The following LOXL2 variants were observed in gnomAD, a reference collection of about 807,000 sequenced individuals.
The protein encoded by LOXL2 is lysyl oxidase homolog 2.
In LOXL2, 70 loss-of-function variants were observed where a neutral mutation model predicts 93.0. The observed-to-expected ratio is 0.75, with a 90% CI of 0.62 to 0.92. LOXL2 has a LOEUF of 0.92. Among genes scored for constraint, LOXL2 ranks in the 40% least tolerant of loss-of-function variants. LOXL2 has a pLI of 0.00. For missense variants in LOXL2, 973 were observed against 1,054.9 expected, an observed-to-expected ratio of 0.92 and a Z score of 1.08; for synonymous variants, 438 against 413.2, an observed-to-expected ratio of 1.06 and a Z score of -0.73.
At chr8:23,303,513 G>C in intron 10 of LOXL2, 116 bp from the exon 11 acceptor site, 3 of 662,106 alleles carry the variant, frequency 4.5e-6, no homozygotes, top group Non-Finnish European at 8.2e-6. Flanking sequence ...AGAGGGGGCC[G>C]GGTGGGGAGA....
chr8:23,321,956 C>T (rs1051289850), intron 7 of LOXL2, 174 bp downstream of exon 7: 6 of 686,566 alleles, frequency 8.7e-6, no homozygotes, highest in Non-Finnish European at 1.5e-5. Flanking sequence ...TGCTGCCGGG[C>T]CAGGGCCAGG....
intron 1 of LOXL2, among the ~76,000 whole-genome samples, chr8:23,400,420 C>A (rs934762752): frequency 1.3e-5 from 2 of 152,102 alleles, no homozygotes; most frequent in African/African-American, 2.4e-5. Flanking sequence ...AGATTTACTT[C>A]TCAGGGGAAA....
chr8:23,396,411 C>A (rs1261761170), intron 1 of LOXL2, among the ~76,000 whole-genome samples: 1 of 152,040 alleles, frequency 6.6e-6, no homozygotes, highest in Non-Finnish European at 1.5e-5. Flanking sequence ...ATGAGGAGGG[C>A]AGGCAGGATA....
intron 3 of LOXL2, among the ~76,000 whole-genome samples, chr8:23,343,382 T>A (rs922104300): frequency 6.6e-6 from 1 of 152,078 alleles, no homozygotes; most frequent in African/African-American, 2.4e-5. Context: ...TGACTCCAGT[T>A]CCCTCCCTAG....
intron 3 of LOXL2, among the ~76,000 whole-genome samples, chr8:23,342,900 A>C (rs1803907362): frequency 6.6e-6 from 1 of 152,082 alleles, no homozygotes; most frequent in African/African-American, 2.4e-5. Context: ...AGAGGTGTAC[A>C]TCACCACGCC....
intron 7 of LOXL2, chr8:23,321,885 G>T (rs910965249): frequency 2.0e-6 from 1 of 501,396 alleles, no homozygotes. Context: ...ACTCACCTCA[G>T]ATGTTAACAT....
Position 23,309,887 on chromosome 8 carries a change from G to A in LOXL2, c.1661C>T (p.Ala554Val), listed in dbSNP as rs756158305. 9 of 1,541,600 alleles carry A rather than the reference G, an allele frequency of 5.8e-6. No homozygotes were observed. Among genetic ancestry groups the A allele is most frequent in the Admixed American group, 3.8e-5 (2 of 52,766 alleles). ...SETAPDLVLN[A>V]EMVQQTTYLE... is the part of the protein sequence containing the mutation. The stretch of plus-strand genomic sequence containing the variant: ...GTAGGTGGTCTGCTGCACCATCTCC[G>A]CATTGAGGACCAGGTCAGGGGCGGC... Residue 554 changes from alanine (A) to valine (V), a missense_variant, in exon 10 of 14, where the codon GCG becomes GTG. Ala to Val is a moderately conservative substitution (Grantham distance 64). Coordinates refer to ENST00000389131, the MANE Select transcript of LOXL2 (RefSeq NM_002318.3).
Position 23,328,556 on chromosome 8 carries a change from C to T in LOXL2, c.976G>A (p.Val326Met), listed in dbSNP as rs376928331. The T allele has an allele frequency of 6.9e-5, 112 of 1,613,772 alleles. No homozygotes were observed. The highest frequency in any genetic ancestry group is 8.8e-5 in the Non-Finnish European group (104 of 1,180,042). ...RKAYKPEQPLVRLRGGAYIGE... is the reference protein window; with the variant it reads ...RKAYKPEQPLMRLRGGAYIGE... ...ATGTAGGCACCGCCTCTCAGTCGCA[C>T]CAGGGGTTGCTGAAGAGACACACGG... The change falls in exon 6 of 14, where the codon GTG becomes ATG. Residue 326 changes from valine (V) to methionine (M), a missense_variant. By Grantham distance (21) the Val-to-Met change is conservative (BLOSUM62 1). Coordinates refer to ENST00000389131, the MANE Select transcript of LOXL2 (RefSeq NM_002318.3).
At chr8:23,308,266 G>A (rs1321617718) in intron 10 of LOXL2, among the ~76,000 whole-genome samples, 1 of 152,238 alleles carries the variant, frequency 6.6e-6, no homozygotes. Context: ...ACTGCAGTGT[G>A]CACACGGTCA....
At chr8:23,375,845 C>G (rs10087553) in intron 1 of LOXL2, among the ~76,000 whole-genome samples, 1 of 151,904 alleles carries the variant, frequency 6.6e-6, no homozygotes, top group South Asian at 2.1e-4. Flanking sequence ...TGGGCTGAGA[C>G]GATGGGGTTT....
chr8:23,384,745 T>C (rs1349850282), intron 1 of LOXL2, among the ~76,000 whole-genome samples: 1 of 152,038 alleles, frequency 6.6e-6, no homozygotes, highest in African/African-American at 2.4e-5. Flanking sequence ...GAAACCCCAT[T>C]GCTACTAAAA....
chr8:23,309,186 T>C (rs1408675533), intron 10 of LOXL2, among the ~76,000 whole-genome samples: 2 of 152,098 alleles, frequency 1.3e-5, no homozygotes, highest in African/African-American at 2.4e-5. Flanking sequence ...GGTTTCACCG[T>C]GTTAGCCAGA....
At chr8:23,350,527 G>A (rs541578035) in intron 3 of LOXL2, among the ~76,000 whole-genome samples, 4 of 152,182 alleles carry the variant, frequency 2.6e-5, no homozygotes, top group South Asian at 4.1e-4. Context: ...CTGAGGTCAC[G>A]CCATTGCACT....
At chr8:23,345,727 A>G (rs2117186946) in intron 3 of LOXL2, among the ~76,000 whole-genome samples, 1 of 121,772 alleles carries the variant, frequency 8.2e-6, no homozygotes, top group African/African-American at 3.9e-5. Context: ...ATATACACAC[A>G]CTTTTTTTTC....
At chr8:23,311,130 C>A (rs937974504) in intron 9 of LOXL2, among the ~76,000 whole-genome samples, 1 of 152,172 alleles carries the variant, frequency 6.6e-6, no homozygotes. Context: ...TTCACCAGCA[C>A]GTGGAGTGAG....
At chr8:23,389,351 C>T (rs1040502023) in intron 1 of LOXL2, among the ~76,000 whole-genome samples, 6 of 152,098 alleles carry the variant, frequency 3.9e-5, no homozygotes, top group African/African-American at 1.2e-4. Flanking sequence ...AAAAGCAATC[C>T]GTTTTGAATC....
intron 5 of LOXL2, 33 bp from the exon 6 acceptor site, chr8:23,328,598 C>T (rs372561355): frequency 4.4e-5 from 71 of 1,604,002 alleles, no homozygotes; most frequent in Non-Finnish European, 3.4e-5. Flanking sequence ...TGAGTACAGA[C>T]GCTGATGCAC....
At chr8:23,373,752 G>A (rs371743994) in intron 1 of LOXL2, among the ~76,000 whole-genome samples, 1 of 152,000 alleles carries the variant, frequency 6.6e-6, no homozygotes, top group Admixed American at 6.6e-5. Context: ...TTGCGCAGAC[G>A]GTAAATGCAA....
chr8:23,354,693 TC>T (rs1246170993), intron 3 of LOXL2, among the ~76,000 whole-genome samples: 1 of 151,898 alleles, frequency 6.6e-6, no homozygotes, highest in East Asian at 1.9e-4. Context: ...GAGTGCATTT[TC>T]CCAGACACTG....
Sources: gnomAD v4.1 joint callset for allele counts (sites outside exome capture counted in the v4.1 genomes callset) on GRCh38, gnomAD v4.1.1 for gene constraint, MANE v1.5 for transcripts, NCBI Gene and HGNC (gene_info 2026-07-23, HGNC 2026-07-21) for gene names.